The following TJP1 variants were observed in gnomAD, a reference collection of about 807,000 sequenced individuals.
TJP1 encodes tight junction protein 1.
A neutral mutation model predicts 194.2 loss-of-function variants in TJP1; 43 were observed. The ratio of observed to expected loss-of-function variants is 0.22; its 90% CI spans 0.17 to 0.29. The LOEUF is 0.29. Ranked by LOEUF, TJP1 falls within the 10% of genes least tolerant of loss-of-function variation. The probability of loss-of-function intolerance (pLI) is 1.00; values close to 1 mark genes in which losing one functional copy is unlikely to be tolerated. For missense variants in TJP1, 1,971 were observed against 2,185.7 expected (o/e 0.90, Z 1.96); for synonymous variants, 801 against 779.0 (o/e 1.03, Z -0.47).
At chr15:29,886,644 T>G (rs956626833) in intron 2 of TJP1, among the ~76,000 whole-genome samples, 1 of 149,000 alleles carries the variant, frequency 6.7e-6, no homozygotes, top group Non-Finnish European at 1.5e-5. Flanking sequence ...CAAAACCAAA[T>G]TACCAGATAC....
At chr15:29,933,702 T>A (rs1254763969) in intron 2 of TJP1, among the ~76,000 whole-genome samples, 1 of 152,052 alleles carries the variant, frequency 6.6e-6, no homozygotes, top group Non-Finnish European at 1.5e-5. Context: ...ATATTAGAGA[T>A]CTGTTATCTG....
At chr15:29,883,879 G>A (rs1301039125) in intron 2 of TJP1, among the ~76,000 whole-genome samples, 1 of 152,104 alleles carries the variant, frequency 6.6e-6, no homozygotes, top group African/African-American at 2.4e-5. Context: ...AATTTACACA[G>A]GGTTTGACAG....
intron 26 of TJP1, 24 bp from the exon 27 acceptor site, chr15:29,704,329 C>G: frequency 6.4e-7 from 1 of 1,569,158 alleles, no homozygotes; most frequent in Non-Finnish European, 8.7e-7. Context: ...AGGGGATAGG[C>G]AGAGAGGATG....
chr15:29,721,700 G>A (rs1008128562), intron 18 of TJP1, among the ~76,000 whole-genome samples: 1 of 152,158 alleles, frequency 6.6e-6, no homozygotes, highest in Non-Finnish European at 1.5e-5. Context: ...AGAAAAATGA[G>A]GGAAAGTTTG....
intron 2 of TJP1, among the ~76,000 whole-genome samples, chr15:29,919,979 G>A (rs1301323574): frequency 1.3e-5 from 2 of 152,210 alleles, no homozygotes; most frequent in Admixed American, 6.5e-5. Flanking sequence ...GAGTGCTAAG[G>A]TGGTAAGTCC....
chr15:29,845,799 T>A lies in TJP1; in HGVS notation c.307-45097A>T, dbSNP rs563017502. Among the ~76,000 whole-genome samples, 191 of 152,168 alleles carry A rather than the reference T, an allele frequency of 1.3e-3. 1 individual carries two copies. Among genetic ancestry groups the A allele is most frequent in the African/African-American group, 4.3e-3 (179 of 41,504 alleles). On this transcript the variant is annotated intron_variant, in intron 2 of 28. Transcript: ENST00000356107. ...AGCCTGGTGACAGGGCGAGACTCCA[T>A]CTCAATAAATAAATAAAATTAAATT... is the stretch of plus-strand genomic sequence containing the variant.
At chr15:29,879,137 TA>T (rs1426074094) in intron 2 of TJP1, among the ~76,000 whole-genome samples, 2 of 151,750 alleles carry the variant, frequency 1.3e-5, no homozygotes, top group Non-Finnish European at 1.5e-5. Flanking sequence ...AAAATAATAA[TA>T]AAAAAATAAA....
intron 2 of TJP1, among the ~76,000 whole-genome samples, chr15:29,930,498 T>A (rs1596277808): frequency 6.6e-6 from 1 of 152,222 alleles, no homozygotes; most frequent in African/African-American, 2.4e-5. Flanking sequence ...TCTTAACAGG[T>A]ACAGGAAAAT....
At chr15:29,822,595 G>C (rs2050493531), upstream of TJP1, 1 of 594,450 alleles carries the variant, frequency 1.7e-6, no homozygotes, top group Non-Finnish European at 2.1e-6. Flanking sequence ...CGAGCGGCCG[G>C]GGTCCCGACC....
At chr15:29,834,959 C>A (rs978298865) in intron 2 of TJP1, among the ~76,000 whole-genome samples, 8 of 151,998 alleles carry the variant, frequency 5.3e-5, no homozygotes, top group Non-Finnish European at 1.2e-4. Context: ...ACACACATGG[C>A]GAAGGCATCA....
chr15:29,717,963 C>T (rs1175942941), intron 22 of TJP1, 58 bp downstream of exon 22: 2 of 1,440,726 alleles, frequency 1.4e-6, no homozygotes, highest in South Asian at 2.4e-5. Context: ...TTCTTATTGA[C>T]TAAGAGGGTT....
chr15:29,932,082 G>A (rs1244212796), intron 2 of TJP1, among the ~76,000 whole-genome samples: 2 of 152,118 alleles, frequency 1.3e-5, no homozygotes, highest in Non-Finnish European at 2.9e-5. Flanking sequence ...AGGTCTTTAT[G>A]ACCTGTATCT....
intron 2 of TJP1, among the ~76,000 whole-genome samples, chr15:29,850,571 G>A (rs1297971259): frequency 2.0e-5 from 3 of 151,924 alleles, no homozygotes; most frequent in Admixed American, 6.6e-5. Flanking sequence ...TCCTGACCTC[G>A]TGATCCGCCC....
intron 2 of TJP1, among the ~76,000 whole-genome samples, chr15:29,860,093 A>G (rs1167427326): frequency 6.6e-6 from 1 of 152,178 alleles, no homozygotes; most frequent in Non-Finnish European, 1.5e-5. Flanking sequence ...GGCTACCTCT[A>G]TTCAAGGGGC....
chr15:29,841,682 A>C (rs1477891651), intron 2 of TJP1, among the ~76,000 whole-genome samples: 1 of 151,854 alleles, frequency 6.6e-6, no homozygotes, highest in Non-Finnish European at 1.5e-5. Context: ...AAAGATCAAA[A>C]TTGGAGCCCC....
intron 2 of TJP1, among the ~76,000 whole-genome samples, chr15:29,781,690 C>G (rs987410108): frequency 6.6e-6 from 1 of 152,158 alleles, no homozygotes; most frequent in African/African-American, 2.4e-5. Flanking sequence ...TGATTCATTA[C>G]ATAAACAGAA....
At chr15:29,958,685 A>G (rs984573178) in intron 1 of TJP1, among the ~76,000 whole-genome samples, 25 of 152,286 alleles carry the variant, frequency 1.6e-4, no homozygotes, top group Admixed American at 1.5e-3. Flanking sequence ...ACATAAACTC[A>G]TATTTTCCTA....
At chr15:29,838,992 C>CTTTTTTTTTTTTT (rs760557407) in intron 2 of TJP1, among the ~76,000 whole-genome samples, 1 of 83,444 alleles carries the variant, frequency 1.2e-5, no homozygotes, top group Non-Finnish European at 2.1e-5. Context: ...AAAAATTCAC[C>CTTTTTTTTTTTTT]TTTTTTTTTT....
chr15:29,804,499 A>G (rs965797833), intron 1 of TJP1, among the ~76,000 whole-genome samples: 5 of 152,182 alleles, frequency 3.3e-5, no homozygotes, highest in African/African-American at 1.2e-4. Flanking sequence ...ATTTTGATGC[A>G]TTAGAAAAGC....
Sources: gnomAD v4.1 joint callset for allele counts (sites outside exome capture counted in the v4.1 genomes callset) on GRCh38, gnomAD v4.1.1 for gene constraint, MANE v1.5 for transcripts, NCBI Gene and HGNC (gene_info 2026-07-23, HGNC 2026-07-21) for gene names.